Variants in TNR observed in about 807,000 individuals in gnomAD.
TNR encodes the protein tenascin R.
TNR carries 45 observed loss-of-function variants against 150.4 expected under a neutral mutation model. That is an observed-to-expected ratio of 0.30 (90% CI 0.24 to 0.38). The LOEUF is 0.38. Ranked by LOEUF, TNR falls within the 10% of genes least tolerant of loss-of-function variation. The pLI, the probability that TNR is intolerant of heterozygous loss-of-function variation, is 1.00. For missense variants in TNR, 1,544 were observed against 1,759.1 expected, an observed-to-expected ratio of 0.88 and a Z score of 2.19; for synonymous variants, 687 against 678.4, an observed-to-expected ratio of 1.01 and a Z score of -0.20.
chr1:175,581,431 A>G (rs1479095006), intron 1 of TNR, among the ~76,000 whole-genome samples: 1 of 152,242 alleles, frequency 6.6e-6, no homozygotes, highest in East Asian at 1.9e-4. Context: ...TTCGGCAGCC[A>G]TGAGCAGATG....
Position 175,375,177 on chromosome 1 carries a change from G to GT in TNR, c.1963+4374dup, listed in dbSNP as rs61116085. On this transcript the variant is annotated intron_variant, in intron 9 of 22. Coordinates refer to ENST00000367674, the MANE Select transcript of TNR (RefSeq NM_003285.3). ...CTTGGAGTTTTCTAAATGATTTGTT[G>GT]TTTTTTTTTTTTGTTGCTGCCCAGA... 3.0e-4 allele frequency among the ~76,000 whole-genome samples: 43 copies of GT among 142,732 alleles called. No homozygotes were observed. In the Middle Eastern group the frequency reaches 0.011, roughly 35 times the overall value. 93.6% of individuals were successfully genotyped at this position (142,732 alleles called of 152,430 possible).
chr1:175,392,632 C>T (rs1383998556), intron 6 of TNR, among the ~76,000 whole-genome samples: 1 of 152,134 alleles, frequency 6.6e-6, no homozygotes, highest in Non-Finnish European at 1.5e-5. Flanking sequence ...AAATAGGACA[C>T]ATTTGTATAG....
At chr1:175,673,423 T>C (rs1300769199) in intron 1 of TNR, among the ~76,000 whole-genome samples, 1 of 152,140 alleles carries the variant, frequency 6.6e-6, no homozygotes, top group Non-Finnish European at 1.5e-5. Context: ...TGATAGAGAA[T>C]GTAGAAGCAT....
At chr1:175,482,870 T>C (rs1571503486) in intron 2 of TNR, among the ~76,000 whole-genome samples, 1 of 152,212 alleles carries the variant, frequency 6.6e-6, no homozygotes. Flanking sequence ...GTCTGTGCAC[T>C]AGCACAATCA....
chr1:175,738,994 T>C (rs1183986289), intron 1 of TNR, among the ~76,000 whole-genome samples: 2 of 152,156 alleles, frequency 1.3e-5, no homozygotes, highest in Non-Finnish European at 2.9e-5. Context: ...AACTTTGTAT[T>C]TCTGTATTAG....
chr1:175,350,795 T>C (rs1489945899), intron 18 of TNR, among the ~76,000 whole-genome samples: 1 of 152,200 alleles, frequency 6.6e-6, no homozygotes, highest in Non-Finnish European at 1.5e-5. Flanking sequence ...GGCCATCAGG[T>C]AGGCATCTTG....
intron 1 of TNR, among the ~76,000 whole-genome samples, chr1:175,569,580 A>G (rs1280222469): frequency 6.6e-6 from 1 of 152,206 alleles, no homozygotes; most frequent in Non-Finnish European, 1.5e-5. Flanking sequence ...TGGTTTTTGC[A>G]GTTTTGTTTT....
intron 2 of TNR, among the ~76,000 whole-genome samples, chr1:175,509,423 T>G (rs989920850): frequency 6.6e-6 from 1 of 152,230 alleles, no homozygotes; most frequent in African/African-American, 2.4e-5. Flanking sequence ...TGTAATCCAC[T>G]GTATTCTTCT....
intron 1 of TNR, among the ~76,000 whole-genome samples, chr1:175,624,114 A>C (rs966002941): frequency 6.6e-6 from 1 of 152,156 alleles, no homozygotes; most frequent in Non-Finnish European, 1.5e-5. Context: ...ACCTTCAGAG[A>C]TTCATTCATA....
intron 1 of TNR, among the ~76,000 whole-genome samples, chr1:175,546,298 A>G (rs1660684185): frequency 6.6e-6 from 1 of 152,180 alleles, no homozygotes; most frequent in South Asian, 2.1e-4. Context: ...CAACTTGGAC[A>G]TAAAGAGGCT....
chr1:175,520,742 C>A (rs765478119), intron 2 of TNR, among the ~76,000 whole-genome samples: 20 of 152,106 alleles, frequency 1.3e-4, no homozygotes, highest in Non-Finnish European at 2.2e-4. Flanking sequence ...TCCCCTTCTT[C>A]TCCTCATTAG....
intron 2 of TNR, among the ~76,000 whole-genome samples, chr1:175,437,623 A>G (rs1655570558): frequency 6.6e-6 from 1 of 152,242 alleles, no homozygotes; most frequent in South Asian, 2.1e-4. Flanking sequence ...AAATTGATAG[A>G]CCGCTAGCAA....
chr1:175,419,710 G>T (rs542346912), intron 2 of TNR, among the ~76,000 whole-genome samples: 2 of 151,990 alleles, frequency 1.3e-5, no homozygotes, highest in African/African-American at 4.8e-5. Context: ...TCAAACTCCT[G>T]ACCTCAGGTG....
intron 1 of TNR, among the ~76,000 whole-genome samples, chr1:175,698,723 C>A (rs894402268): frequency 1.8e-4 from 28 of 151,914 alleles, no homozygotes; most frequent in African/African-American, 6.8e-4. Context: ...CACCAGTAAT[C>A]CCTCAGGAGG....
intron 1 of TNR, among the ~76,000 whole-genome samples, chr1:175,619,522 A>C (rs114841615): frequency 6.6e-6 from 1 of 152,214 alleles, no homozygotes; most frequent in Non-Finnish European, 1.5e-5. Context: ...TCAAGTGCCA[A>C]CCTGGCTGGG....
intron 1 of TNR, among the ~76,000 whole-genome samples, chr1:175,672,869 C>T (rs58955979): frequency 3.0e-4 from 46 of 152,222 alleles, no homozygotes; most frequent in African/African-American, 1.1e-3. Flanking sequence ...CTGCTAGGTT[C>T]GTCACTACTC....
chr1:175,742,621 A>T (rs1667963142), intron 1 of TNR, among the ~76,000 whole-genome samples: 1 of 152,132 alleles, frequency 6.6e-6, no homozygotes, highest in Non-Finnish European at 1.5e-5. Context: ...GCACCTGCCC[A>T]CTTACCATGG....
At chr1:175,409,945 T>C (rs1035945749) in intron 2 of TNR, among the ~76,000 whole-genome samples, 5 of 152,180 alleles carry the variant, frequency 3.3e-5, no homozygotes, top group African/African-American at 1.2e-4. Flanking sequence ...TATGTGACAT[T>C]TAATATGTGA....
intron 1 of TNR, among the ~76,000 whole-genome samples, chr1:175,678,593 C>T (rs773699986): frequency 6.6e-6 from 1 of 152,186 alleles, no homozygotes; most frequent in South Asian, 2.1e-4. Context: ...GATATCCTTC[C>T]TCTGACTCAG....
Sources: allele counts gnomAD v4.1 joint callset (sites outside exome capture counted in the v4.1 genomes callset), GRCh38; gene constraint gnomAD v4.1.1; transcripts MANE v1.5; gene names NCBI Gene and HGNC (gene_info 2026-07-23, HGNC 2026-07-21).